BDP1: variants seen among roughly 807,000 people sequenced by gnomAD.
BDP1 encodes the protein BDP1 general transcription factor IIIB subunit.
In BDP1, 169 loss-of-function variants were observed where a neutral mutation model predicts 266.6. The ratio of observed to expected loss-of-function variants is 0.63; its 90% CI spans 0.56 to 0.72. The LOEUF (loss-of-function observed/expected upper bound fraction) is 0.72. Ranked by LOEUF, BDP1 falls within the 30% of genes least tolerant of loss-of-function variation. The pLI is 0.00. For missense variants in BDP1, 3,015 were observed against 3,053.8 expected, an observed-to-expected ratio of 0.99 and a Z score of 0.30; for synonymous variants, 1,090 against 1,022.4, an observed-to-expected ratio of 1.07 and a Z score of -1.26.
chr5:71,482,936 A>G (rs1239697709), intron 7 of BDP1, among the ~76,000 whole-genome samples: 7 of 152,232 alleles, frequency 4.6e-5, no homozygotes, highest in African/African-American at 1.4e-4. Context: ...TTTTAAAAAT[A>G]TGGGCAAGGC....
chr5:71,504,704 T>C lies in BDP1; in HGVS notation c.2325T>C (p.Phe775=), dbSNP rs748738420. 2.5e-6 allele frequency: 4 copies of C among 1,613,776 alleles called. No individual in the cohort carries two copies. The East Asian group carries it at 8.9e-5, about 36-fold the overall frequency. Residue 775 remains phenylalanine (F), a synonymous_variant, in exon 16 of 39, where the codon TTT becomes TTC. Transcript: ENST00000358731. ...TACAGCCTGAGAAAAATGATTCTTT[T>C]CAAAATGTGCAGCCAGATGAGCCCA... ...VILQPEKNDS[F]QNVQPDEPKV...
intron 1 of BDP1, among the ~76,000 whole-genome samples, chr5:71,457,920 A>G (rs1234225843): frequency 2.0e-5 from 3 of 152,206 alleles, no homozygotes; most frequent in African/African-American, 7.2e-5. Flanking sequence ...TCTGAGGTAT[A>G]CCATACCTAA....
At chr5:71,459,836 A>G (rs970997259) in intron 2 of BDP1, among the ~76,000 whole-genome samples, 1 of 152,182 alleles carries the variant, frequency 6.6e-6, no homozygotes, top group African/African-American at 2.4e-5. Context: ...AAATGCTCCA[A>G]AGTCTAAAAT....
chr5:71,560,851 T>A (rs1403258746), intron 37 of BDP1, among the ~76,000 whole-genome samples: 1 of 152,196 alleles, frequency 6.6e-6, no homozygotes, highest in Non-Finnish European at 1.5e-5. Context: ...AAAGGACACA[T>A]GTAGCTTAAA....
rs555201806 is a variant in BDP1, at chr5:71,548,815, G to C, written c.6808+70G>C. The C allele has an allele frequency of 4.5e-6, 5 of 1,117,400 alleles. No homozygotes were observed. In the East Asian group the frequency reaches 1.2e-4, roughly 27 times the overall value. 69.2% of individuals were successfully genotyped at this position (1,117,400 alleles called of 1,614,324 possible). ...TGATTTTTACCCCTTATTTAACTAT[G>C]GAAAAACATAAAACAGTTGTATTTT... On this transcript the variant is annotated intron_variant, in intron 33 of 38. Coordinates refer to ENST00000358731, the MANE Select transcript of BDP1 (RefSeq NM_018429.3).
rs1401511976 is a variant in BDP1 at position 71,504,622 on chromosome 5, C to T, written c.2243C>T (p.Thr748Ile). ...TAGAAAAATTTGTTTGTTTTTAAGA[C>T]TCCTCAACACATGGAAGATCAATCG... Reference protein sequence around the residue: ...NENESCADRDTPQHMEDQSRK... With the variant: ...NENESCADRDIPQHMEDQSRK... Residue 748 changes from threonine (T) to isoleucine (I), a missense_variant and splice_region_variant, in exon 16 of 39, where the codon ACT (threonine) becomes ATT (isoleucine). By Grantham distance (89) the Thr-to-Ile change is moderately conservative (BLOSUM62 -1). This residue lies in a region of BDP1 where 2,383 missense variants were observed against 2,404.9 expected (regional missense o/e 0.99). Transcript: ENST00000358731. 6.2e-7 allele frequency: 1 copy of T among 1,609,214 alleles called. No homozygotes were observed. The highest frequency in any genetic ancestry group is 8.5e-7 in the Non-Finnish European group (1 of 1,178,546).
chr5:71,513,273 G>A lies in BDP1; in HGVS notation c.4336G>A (p.Ala1446Thr), dbSNP rs1163921849. 6.2e-7 allele frequency: 1 copy of A among 1,613,444 alleles called. No individual in the cohort carries two copies. Among genetic ancestry groups the A allele is most frequent in the Non-Finnish European group, 8.5e-7 (1 of 1,179,866 alleles). Reference protein sequence around the residue: ...SRFKRPKPNLARAALKRETTE... With the variant: ...SRFKRPKPNLTRAALKRETTE... ...ATTCAAAAGACCAAAACCAAACTTA[G>A]CAAGAGCAGCTTTGAAGAGAGAGAC... The change falls in exon 19 of 39, where the codon GCA becomes ACA. Residue 1446 changes from alanine (A) to threonine (T), a missense_variant. Coordinates refer to ENST00000358731, the MANE Select transcript of BDP1 (RefSeq NM_018429.3).
In BDP1 at chr5:71,509,846, G is replaced by A. The variant is rs1379289111; in HGVS notation, c.2754G>A (p.Val918=). The change falls in exon 17 of 39, where the codon GTG becomes GTA. Residue 918 remains valine, a synonymous_variant. Transcript: ENST00000358731. Reference sequence around the variant, plus strand: ...GTCTAAGGGAGAAGACGCCAGAGGTGATTGATGCCACTGAGGAAATAGACA... The same window carrying A: ...GTCTAAGGGAGAAGACGCCAGAGGTAATTGATGCCACTGAGGAAATAGACA... ...EICLREKTPE[V]IDATEEIDKD... is the part of the protein sequence containing the mutation. 6.2e-7 allele frequency: 1 copy of A among 1,614,070 alleles called. No homozygotes were observed. Among genetic ancestry groups the A allele is most frequent in the African/African-American group, 1.3e-5 (1 of 75,038 alleles).
rs748269005 is a variant in BDP1, at chr5:71,562,469, T to G, written c.7692T>G (p.Ser2564=). ...KNRESSDLLP[S]PSVITTQSEN... is the part of the protein sequence containing the mutation. ...GAGAGTCCTCTGATCTGCTTCCATC[T>G]CCAAGTGTTATTACTACTCAATCTG... The change falls in exon 38 of 39, where the codon TCT becomes TCG. Residue 2564 remains serine, a synonymous_variant. Transcript: ENST00000358731. 6.2e-7 allele frequency: 1 copy of G among 1,613,920 alleles called. No individual in the cohort carries two copies. Among genetic ancestry groups the G allele is most frequent in the East Asian group, 2.2e-5 (1 of 44,856 alleles).
At chr5:71,543,642 G>A (rs1052260364) in intron 30 of BDP1, among the ~76,000 whole-genome samples, 10 of 152,200 alleles carry the variant, frequency 6.6e-5, no homozygotes, top group Non-Finnish European at 1.0e-4. Context: ...GTACTGCATT[G>A]TATTTATTAG....
intron 16 of BDP1, among the ~76,000 whole-genome samples, chr5:71,508,530 T>C (rs1764713607): frequency 6.6e-6 from 1 of 151,826 alleles, no homozygotes; most frequent in Non-Finnish European, 1.5e-5. Context: ...TCAAGCCATC[T>C]GCTTCAGCCT....
chr5:71,474,857 AAAT>A (rs1293489096), intron 7 of BDP1, among the ~76,000 whole-genome samples: 1 of 124,092 alleles, frequency 8.1e-6, no homozygotes, highest in Non-Finnish European at 1.8e-5. Context: ...AAAAAAAAAA[AAAT>A]ATATGATCCA....
Position 71,510,849 on chromosome 5 carries a change from G to C in BDP1, c.3757G>C (p.Asp1253His). ...CAGTGCTATAAGGGAAAAGGAGATT[G>C]ATTTGAAAGAAACTGGAAAAAGAGA... ...EFSAIREKEI[D>H]LKETGKRDIP... The change falls in exon 17 of 39, where the codon GAT (aspartate) becomes CAT (histidine). Residue 1253 changes from aspartate (D) to histidine (H), a missense_variant. Coordinates refer to ENST00000358731, the MANE Select transcript of BDP1 (RefSeq NM_018429.3). 3 of 1,613,258 alleles carry C rather than the reference G, an allele frequency of 1.9e-6. No individual in the cohort carries two copies. Among genetic ancestry groups the C allele is most frequent in the Non-Finnish European group, 2.5e-6 (3 of 1,179,630 alleles).
chr5:71,545,695 C>T (rs1313339936), intron 32 of BDP1, among the ~76,000 whole-genome samples: 1 of 152,156 alleles, frequency 6.6e-6, no homozygotes, highest in Non-Finnish European at 1.5e-5. Context: ...GTAACCAATA[C>T]ATGAACAGTT....
intron 11 of BDP1, among the ~76,000 whole-genome samples, chr5:71,493,849 A>G (rs1246062242): frequency 6.6e-6 from 1 of 152,218 alleles, no homozygotes; most frequent in African/African-American, 2.4e-5. Flanking sequence ...GCGGGCAAAG[A>G]TAGAACTAAC....
At chr5:71,557,472 C>T (rs1326621214) in intron 36 of BDP1, among the ~76,000 whole-genome samples, 1 of 144,754 alleles carries the variant, frequency 6.9e-6, no homozygotes, top group East Asian at 2.0e-4. Flanking sequence ...GCAAGTTCTG[C>T]CTCCTGGGCT....
chr5:71,539,213 G>A, intron 27 of BDP1, 135 bp downstream of exon 27: 2 of 616,492 alleles, frequency 3.2e-6, no homozygotes, highest in South Asian at 5.1e-5. Flanking sequence ...TGTTGTCTCT[G>A]TGAGAAATGT....
intron 27 of BDP1, 32 bp from the exon 28 acceptor site, chr5:71,539,524 CT>C (rs759734318): frequency 3.0e-5 from 46 of 1,518,468 alleles, no homozygotes; most frequent in Admixed American, 8.7e-5. Context: ...CGGATTCATT[CT>C]TTTTTTTAAT....
intron 7 of BDP1, among the ~76,000 whole-genome samples, chr5:71,473,118 C>T (rs1389761196): frequency 2.6e-5 from 4 of 151,550 alleles, no homozygotes; most frequent in Non-Finnish European, 4.4e-5. Context: ...CTCCTGTGCC[C>T]AAGTGATCTG....
Sources: gnomAD v4.1 joint callset for allele counts (sites outside exome capture counted in the v4.1 genomes callset) on GRCh38, gnomAD v4.1.1 for gene constraint, gnomAD v4.1.1 regional missense constraint, MANE v1.5 for transcripts, NCBI Gene and HGNC (gene_info 2026-07-23, HGNC 2026-07-21) for gene names.